Variants in SEMA5A observed in about 807,000 individuals in gnomAD.
SEMA5A encodes the protein semaphorin 5A.
A neutral mutation model predicts 135.5 loss-of-function variants in SEMA5A; 55 were observed. That is an observed-to-expected ratio of 0.41 (90% CI 0.33 to 0.51). The LOEUF is 0.51. SEMA5A is among the 20% of genes least tolerant of loss of function. SEMA5A has a pLI of 0.37. For missense variants in SEMA5A, 1,290 were observed against 1,419.9 expected (o/e 0.91, Z 1.47); for synonymous variants, 580 against 546.5 (o/e 1.06, Z -0.85).
At chr5:9,123,330 G>A (rs999809589) in intron 13 of SEMA5A, among the ~76,000 whole-genome samples, 2 of 142,058 alleles carry the variant, frequency 1.4e-5, no homozygotes, top group Admixed American at 7.2e-5. Context: ...TAAAGCAGCA[G>A]AGGTGATTGC....
chr5:9,173,353 T>C (rs1416159474), intron 11 of SEMA5A, among the ~76,000 whole-genome samples: 2 of 151,234 alleles, frequency 1.3e-5, no homozygotes, highest in African/African-American at 2.4e-5. Context: ...TTCTCAACTT[T>C]AGGAGCATCT....
At chr5:9,456,512 G>T (rs1758841058) in intron 1 of SEMA5A, among the ~76,000 whole-genome samples, 1 of 152,168 alleles carries the variant, frequency 6.6e-6, no homozygotes, top group South Asian at 2.1e-4. Context: ...AGCAGGCAGA[G>T]CACAATTAAG....
intron 20 of SEMA5A, among the ~76,000 whole-genome samples, chr5:9,050,731 G>A (rs1579303553): frequency 6.6e-6 from 1 of 152,230 alleles, no homozygotes; most frequent in Non-Finnish European, 1.5e-5. Flanking sequence ...CAGGGAATGT[G>A]CTCATTTTCC....
chr5:9,392,746 T>C (rs926574481), intron 2 of SEMA5A, among the ~76,000 whole-genome samples: 2 of 152,196 alleles, frequency 1.3e-5, no homozygotes, highest in African/African-American at 4.8e-5. Flanking sequence ...CCCATATAAA[T>C]ATTATCAACT....
At chr5:9,215,226 C>T (rs1327683403) in intron 8 of SEMA5A, among the ~76,000 whole-genome samples, 1 of 152,170 alleles carries the variant, frequency 6.6e-6, no homozygotes, top group African/African-American at 2.4e-5. Context: ...GAGAAGTAAA[C>T]AGATTTACCA....
chr5:9,136,789 G>GT (rs1741783793), intron 12 of SEMA5A, among the ~76,000 whole-genome samples, 168 bp from the exon 13 acceptor site: 1 of 152,178 alleles, frequency 6.6e-6, no homozygotes, highest in Non-Finnish European at 1.5e-5. Flanking sequence ...GCACACTCCA[G>GT]TAAGTACCTA....
chr5:9,511,626 C>T (rs575987768), intron 1 of SEMA5A, among the ~76,000 whole-genome samples: 1 of 152,250 alleles, frequency 6.6e-6, no homozygotes, highest in East Asian at 1.9e-4. Flanking sequence ...AGTTAACATT[C>T]TACCACATGG....
At chr5:9,362,965 C>T (rs962465014) in intron 3 of SEMA5A, among the ~76,000 whole-genome samples, 5 of 152,170 alleles carry the variant, frequency 3.3e-5, no homozygotes, top group Non-Finnish European at 4.4e-5. Flanking sequence ...TCAGCGACTG[C>T]CTCACCTCAG....
chr5:9,140,547 C>T (rs1742010198), intron 12 of SEMA5A, among the ~76,000 whole-genome samples: 2 of 152,214 alleles, frequency 1.3e-5, no homozygotes, highest in Non-Finnish European at 2.9e-5. Flanking sequence ...AGTCCTTCTG[C>T]TCCCTGCTGT....
intron 3 of SEMA5A, among the ~76,000 whole-genome samples, chr5:9,351,555 C>A (rs1440574558): frequency 6.6e-6 from 1 of 151,624 alleles, no homozygotes; most frequent in Admixed American, 6.6e-5. Context: ...ACATTACCAA[C>A]AAATTAAGAA....
At chr5:9,497,786 T>C (rs1182357883) in intron 1 of SEMA5A, among the ~76,000 whole-genome samples, 1 of 152,254 alleles carries the variant, frequency 6.6e-6, no homozygotes, top group East Asian at 1.9e-4. Context: ...TGTTAACCAC[T>C]AGGTTGATTT....
chr5:9,198,481 T>C lies in SEMA5A; in HGVS notation c.933-1178A>G, dbSNP rs562024611. On this transcript the variant is annotated intron_variant, in intron 9 of 22. Coordinates refer to ENST00000382496, the MANE Select transcript of SEMA5A (RefSeq NM_003966.3). ...CTCCAAATGCCAGGATTTCCAATCC[T>C]TTGCAATATCTGTGGGTGAAGTAGA... 5.3e-5 allele frequency among the ~76,000 whole-genome samples: 8 copies of C among 152,256 alleles called. No homozygotes were observed. In the South Asian group the frequency reaches 1.7e-3, roughly 32 times the overall value.
chr5:9,114,597 GA>G (rs1289295751), intron 15 of SEMA5A, among the ~76,000 whole-genome samples: 1 of 152,184 alleles, frequency 6.6e-6, no homozygotes, highest in Admixed American at 6.5e-5. Context: ...TTGTTAATAT[GA>G]AAGGCAAAAC....
chr5:9,095,635 G>C (rs1420019593), intron 16 of SEMA5A, among the ~76,000 whole-genome samples: 1 of 152,186 alleles, frequency 6.6e-6, no homozygotes. Context: ...ATTATTATGT[G>C]TGCAAGTTGT....
At chr5:9,242,762 G>A (rs1265050099) in intron 5 of SEMA5A, among the ~76,000 whole-genome samples, 5 of 151,832 alleles carry the variant, frequency 3.3e-5, no homozygotes, top group African/African-American at 1.2e-4. Context: ...AATAACATAT[G>A]GGAAAATAAA....
chr5:9,114,936 G>A (rs2150169484), intron 15 of SEMA5A, among the ~76,000 whole-genome samples: 1 of 152,304 alleles, frequency 6.6e-6, no homozygotes, highest in East Asian at 1.9e-4. Flanking sequence ...TACACAAAGA[G>A]TCCTTTCTAG....
At position 9,362,706 on chromosome 5, in the gene SEMA5A, T is replaced by A. The variant is rs200003815; in HGVS notation, c.124+17117A>T. On this transcript the variant is annotated intron_variant, in intron 3 of 22. Coordinates refer to ENST00000382496, the MANE Select transcript of SEMA5A (RefSeq NM_003966.3). ...AACACAGTTAATGTACTTGCCCCCA[T>A]GGTTTTGAAACCCAGCCCACACACT... Among the ~76,000 whole-genome samples, 15 of 152,304 alleles carry A rather than the reference T, an allele frequency of 9.8e-5. No homozygotes were observed. The East Asian group carries it at 2.9e-3, about 29-fold the overall frequency.
At chr5:9,233,126 C>T (rs1050519085) in intron 6 of SEMA5A, among the ~76,000 whole-genome samples, 10 of 152,188 alleles carry the variant, frequency 6.6e-5, no homozygotes, top group African/African-American at 1.7e-4. Flanking sequence ...TGTCAAAAAT[C>T]CTGAAATGAG....
At chr5:9,538,372 T>G (rs1379587386) in intron 1 of SEMA5A, among the ~76,000 whole-genome samples, 1 of 152,114 alleles carries the variant, frequency 6.6e-6, no homozygotes, top group Admixed American at 6.5e-5. Context: ...CTGTTAGAAG[T>G]TACCTGCCAC....
Sources: allele counts gnomAD v4.1 joint callset (sites outside exome capture counted in the v4.1 genomes callset), GRCh38; gene constraint gnomAD v4.1.1; transcripts MANE v1.5; gene names NCBI Gene and HGNC (gene_info 2026-07-23, HGNC 2026-07-21).